The following CDHR2 variants were observed in gnomAD, a reference collection of about 807,000 sequenced individuals.
The protein encoded by CDHR2 is cadherin related family member 2.
A neutral mutation model predicts 138.6 loss-of-function variants in CDHR2; 104 were observed. That is an observed-to-expected ratio of 0.75 (90% CI 0.64 to 0.88). The LOEUF is 0.88. Among genes scored for constraint, CDHR2 ranks in the 40% least tolerant of loss-of-function variants. The pLI is 0.00. For synonymous variants in CDHR2, 755 were observed against 742.8 expected (o/e 1.02, Z -0.27); for missense variants, 1,624 against 1,727.6 (o/e 0.94, Z 1.06).
chr5:176,568,657 T>C lies in CDHR2; in HGVS notation c.125-21T>C, dbSNP rs372721450. ...TGAAAGGGTGGCTGTGGACCCTGGGTGGCCCCTGTCCCATCCCCAGGTGCC... is the reference window on the plus strand; with the variant it reads ...TGAAAGGGTGGCTGTGGACCCTGGGCGGCCCCTGTCCCATCCCCAGGTGCC... On this transcript the variant is annotated intron_variant, in intron 3 of 31. Coordinates refer to ENST00000261944, the MANE Select transcript of CDHR2 (RefSeq NM_017675.6). The C allele has an allele frequency of 4.3e-6, 7 of 1,612,374 alleles. No homozygotes were observed. The African/African-American group carries it at 5.3e-5, about 12-fold the overall frequency.
At chr5:176,586,769 C>G (rs1344221045) in intron 20 of CDHR2, 24 bp from the exon 21 acceptor site, 1 of 1,595,522 alleles carries the variant, frequency 6.3e-7, no homozygotes, top group African/African-American at 1.3e-5. Context: ...ACCCCGCTGA[C>G]CCCGTTCCCG....
At position 176,589,587 on chromosome 5, in the gene CDHR2, G is replaced by A. The variant is rs777831860; in HGVS notation, c.3177G>A (p.Glu1059=). The A allele has an allele frequency of 6.8e-6, 11 of 1,613,994 alleles. No homozygotes were observed. In the African/African-American group the frequency reaches 1.3e-4, roughly 20 times the overall value. ...TGCAGTTCTCCACACCGAAGGAGGA[G>A]GTGGGCGCCAACAGACAGGCGATTA... The part of the protein sequence containing the change: ...SRLQFSTPKE[E]VGANRQAINA... The change falls in exon 24 of 32, where the codon GAG becomes GAA. Residue 1059 remains glutamate (E), a synonymous_variant. Coordinates refer to ENST00000261944, the MANE Select transcript of CDHR2 (RefSeq NM_017675.6).
At chr5:176,581,281 T>A in intron 16 of CDHR2, 62 bp from the exon 17 acceptor site, 1 of 1,596,522 alleles carries the variant, frequency 6.3e-7, no homozygotes, top group Non-Finnish European at 8.5e-7. Context: ...TCCGGCTGCA[T>A]CGGAGGGGCT....
chr5:176,594,165 G>A (rs923341540), intron 31 of CDHR2, among the ~76,000 whole-genome samples: 7 of 152,150 alleles, frequency 4.6e-5, no homozygotes, highest in Admixed American at 6.5e-5. Context: ...GACAAGTCAC[G>A]GAAAGTCTTC....
Position 176,577,537 on chromosome 5 carries a change from A to G in CDHR2, c.1333A>G (p.Thr445Ala). Reference protein sequence around the residue: ...VSALVDYERQTAMAVQVVATD... With the variant: ...VSALVDYERQAAMAVQVVATD... ...CGCGCTGGTGGACTACGAGAGGCAG[A>G]CGGCGATGGCGGTGCAGGTGAGGGC... The change falls in exon 13 of 32, where the codon ACG (threonine) becomes GCG (alanine). Residue 445 changes from threonine (T) to alanine (A), a missense_variant. By Grantham distance (58) the Thr-to-Ala change is moderately conservative. Transcript: ENST00000261944. 6.2e-7 allele frequency: 1 copy of G among 1,613,650 alleles called. No homozygotes were observed. The highest frequency in any genetic ancestry group is 8.5e-7 in the Non-Finnish European group (1 of 1,179,854).
chr5:176,588,637 C>CTG (rs113882317), intron 21 of CDHR2, among the ~76,000 whole-genome samples: 41,165 of 144,830 alleles, frequency 0.28, 5,782 homozygotes, highest in Middle Eastern at 0.36. Context: ...TAGGGTGAGA[C>CTG]TGAGTGTGAG....
chr5:176,581,188 A>T (rs907179522), intron 16 of CDHR2, among the ~76,000 whole-genome samples, 155 bp from the exon 17 acceptor site: 1 of 152,196 alleles, frequency 6.6e-6, no homozygotes, highest in Non-Finnish European at 1.5e-5. Flanking sequence ...TGAGCCTCTT[A>T]GATGGGAAAC....
At position 176,595,525 on chromosome 5, in the gene CDHR2, C is replaced by CT; in HGVS notation, c.3793-7_3793-6insT. 2 of 1,589,538 alleles carry CT rather than the reference C, an allele frequency of 1.3e-6. No homozygotes were observed. Among genetic ancestry groups the CT allele is most frequent in the Non-Finnish European group, 1.7e-6 (2 of 1,166,694 alleles). On this transcript the variant is annotated splice_region_variant and splice_polypyrimidine_tract_variant and intron_variant, in intron 31 of 31. Transcript: ENST00000261944. ...GCCCTTCACACCTCCTCTCCCTCTC[C>CT]CTGCAGGAGCACAGGCCACCACACA... is the stretch of plus-strand genomic sequence containing the variant.
chr5:176,546,885 C>T (rs1339235597), upstream of CDHR2, among the ~76,000 whole-genome samples: 1 of 151,822 alleles, frequency 6.6e-6, no homozygotes, highest in Admixed American at 6.6e-5. Flanking sequence ...TCCTCAGAAA[C>T]ACTTCTCAAA....
chr5:176,542,565 G>A (rs1429101096), exon 1 of CDHR2: 1 of 152,224 alleles, frequency 6.6e-6, no homozygotes, highest in African/African-American at 2.4e-5. Context: ...GGCTGCAGGA[G>A]TGCGGACCCT....
chr5:176,559,308 C>T (rs1271942937), intron 1 of CDHR2, among the ~76,000 whole-genome samples: 2 of 152,256 alleles, frequency 1.3e-5, no homozygotes, highest in African/African-American at 4.8e-5. Flanking sequence ...ATCTCCCACA[C>T]ATAGCTCCAT....
chr5:176,594,281 C>T (rs1407584958), intron 31 of CDHR2, among the ~76,000 whole-genome samples: 5 of 152,160 alleles, frequency 3.3e-5, no homozygotes, highest in Admixed American at 6.5e-5. Flanking sequence ...GTGAGTCTTG[C>T]GGGTCTCTGG....
chr5:176,551,713 T>TTTG (rs1356241765), intron 1 of CDHR2, among the ~76,000 whole-genome samples: 44 of 148,520 alleles, frequency 3.0e-4, no homozygotes, highest in Non-Finnish European at 1.0e-4. Flanking sequence ...TTTTTTTTTT[T>TTTG]TTTTTTGAGA....
At chr5:176,557,560 AT>A (rs5873538) in intron 1 of CDHR2, among the ~76,000 whole-genome samples, 8,664 of 87,342 alleles carry the variant, frequency 0.099, 195 homozygotes, top group East Asian at 0.16. Context: ...ACCTTCTTAG[AT>A]TTTTTTTTTT....
intron 3 of CDHR2, among the ~76,000 whole-genome samples, chr5:176,567,548 G>A (rs1388172337): frequency 6.6e-6 from 1 of 152,050 alleles, no homozygotes; most frequent in Non-Finnish European, 1.5e-5. Context: ...CTGGAGTGCA[G>A]TGGTGCGATC....
intron 1 of CDHR2, among the ~76,000 whole-genome samples, chr5:176,555,467 A>G (rs1398553440): frequency 2.0e-5 from 3 of 152,192 alleles, no homozygotes; most frequent in Admixed American, 6.5e-5. Flanking sequence ...ATGAAATTCT[A>G]TGAATCCCAA....
chr5:176,571,643 T>C (rs1758234465), intron 6 of CDHR2, among the ~76,000 whole-genome samples: 1 of 152,094 alleles, frequency 6.6e-6, no homozygotes, highest in African/African-American at 2.4e-5. Context: ...TTCACACCAT[T>C]CTCCTGCCTC....
At chr5:176,586,772 C>T (rs778977472) in intron 20 of CDHR2, 21 bp from the exon 21 acceptor site, 29 of 1,597,482 alleles carry the variant, frequency 1.8e-5, no homozygotes, top group Middle Eastern at 1.7e-4. Context: ...CCGCTGACCC[C>T]GTTCCCGTTC....
At position 176,573,826 on chromosome 5, in the gene CDHR2, A is replaced by G. The variant is rs573102775; in HGVS notation, c.406-257A>G. On this transcript the variant is annotated intron_variant, in intron 6 of 31. Coordinates refer to ENST00000261944, the MANE Select transcript of CDHR2 (RefSeq NM_017675.6). ...AGGCTGGGCTCTAGAATGATCCCTC[A>G]TCCTGGTTCTGAGGGGCTCCGACAA... Among the ~76,000 whole-genome samples, 6 of 152,234 alleles carry G rather than the reference A, an allele frequency of 3.9e-5. No homozygotes were observed. The South Asian group carries it at 1.0e-3, about 26-fold the overall frequency.
Sources: gnomAD v4.1 joint callset for allele counts (sites outside exome capture counted in the v4.1 genomes callset) on GRCh38, gnomAD v4.1.1 for gene constraint, MANE v1.5 for transcripts, NCBI Gene and HGNC (gene_info 2026-07-23, HGNC 2026-07-21) for gene names.